Variants in TASP1 observed in about 807,000 individuals in gnomAD.
TASP1 encodes the protein threonine aspartase 1.
Under a neutral mutation model 56.6 loss-of-function variants are expected in TASP1, and 16 were observed. The ratio of observed to expected loss-of-function variants is 0.28; its 90% CI spans 0.19 to 0.43. The LOEUF (loss-of-function observed/expected upper bound fraction) is 0.43. Ranked by LOEUF, TASP1 falls within the 20% of genes least tolerant of loss-of-function variation. The probability of loss-of-function intolerance (pLI) is 1.00; values close to 1 mark genes in which losing one functional copy is unlikely to be tolerated. For synonymous variants in TASP1, 179 were observed against 184.2 expected, an observed-to-expected ratio of 0.97 and a Z score of 0.23; for missense variants, 393 against 511.6, an observed-to-expected ratio of 0.77 and a Z score of 2.24.
chr20:13,177,781 A>G, the TASP1 span, among the ~76,000 whole-genome samples: 1 of 152,208 alleles, frequency 6.6e-6, no homozygotes. Context: ...TGAAAGACCT[A>G]AATGTAAACC....
the TASP1 span, among the ~76,000 whole-genome samples, chr20:13,317,112 C>G: frequency 6.6e-6 from 1 of 151,796 alleles, no homozygotes; most frequent in Admixed American, 6.6e-5. Context: ...AAAGTTAATA[C>G]ACAAATGTTC....
chr20:13,592,333 G>A (rs190491736), intron 4 of TASP1, among the ~76,000 whole-genome samples: 4 of 150,774 alleles, frequency 2.7e-5, no homozygotes, highest in African/African-American at 9.8e-5. Flanking sequence ...GAAGGCAGAG[G>A]TTACAGTGAG....
intron 13 of TASP1, among the ~76,000 whole-genome samples, chr20:13,406,669 T>C (rs754977632): frequency 0.24 from 9,906 of 41,200 alleles, 441 homozygotes; most frequent in African/African-American, 0.31. Flanking sequence ...GGGTTTTTTC[T>C]TTTTTTTTTT....
chr20:13,604,568 T>C (rs1354301903), intron 4 of TASP1, among the ~76,000 whole-genome samples: 2 of 152,172 alleles, frequency 1.3e-5, no homozygotes, highest in East Asian at 1.9e-4. Context: ...TATTCCTTTA[T>C]AGCAATGCGA....
intron 13 of TASP1, among the ~76,000 whole-genome samples, chr20:13,392,514 G>A (rs1015112134): frequency 2.6e-5 from 4 of 152,174 alleles, no homozygotes; most frequent in African/African-American, 7.2e-5. Flanking sequence ...CTGACCATGT[G>A]TTTCACACAG....
the TASP1 span, among the ~76,000 whole-genome samples, chr20:13,143,351 A>G: frequency 6.6e-6 from 1 of 151,904 alleles, no homozygotes; most frequent in Non-Finnish European, 1.5e-5. Context: ...GTATGAAAGT[A>G]TATATATATA....
the TASP1 span, among the ~76,000 whole-genome samples, chr20:13,303,024 C>A: frequency 6.6e-6 from 1 of 152,334 alleles, no homozygotes; most frequent in South Asian, 2.1e-4. Flanking sequence ...CTTCTGAGCC[C>A]ACACTTTGTG....
the TASP1 span, chr20:13,221,741 G>A: frequency 2.2e-6 from 3 of 1,356,360 alleles, no homozygotes; most frequent in South Asian, 1.8e-5. Context: ...GCCGCCGGCC[G>A]CCGCGCCGGG....
the TASP1 span, among the ~76,000 whole-genome samples, chr20:13,282,839 G>A: frequency 1.3e-5 from 2 of 152,334 alleles, no homozygotes; most frequent in South Asian, 2.1e-4. Context: ...AAGCCTGGGC[G>A]AAGCTGAGAC....
intron 4 of TASP1, among the ~76,000 whole-genome samples, chr20:13,616,626 T>C (rs1296828084): frequency 6.6e-6 from 1 of 151,090 alleles, no homozygotes; most frequent in Non-Finnish European, 1.5e-5. Context: ...ATTGATTCCG[T>C]TTTCTTTTTA....
chr20:13,437,625 A>C (rs2043053995), intron 11 of TASP1, among the ~76,000 whole-genome samples: 1 of 152,212 alleles, frequency 6.6e-6, no homozygotes, highest in Non-Finnish European at 1.5e-5. Flanking sequence ...GTCTCAGCCC[A>C]AAATCTCCTT....
chr20:13,321,275 A>T, the TASP1 span, among the ~76,000 whole-genome samples: 4 of 150,520 alleles, frequency 2.7e-5, no homozygotes, highest in African/African-American at 9.8e-5. Context: ...AAAAAAAAAA[A>T]AGATTTTATG....
chr20:13,313,250 C>A, the TASP1 span, among the ~76,000 whole-genome samples: 2 of 152,196 alleles, frequency 1.3e-5, no homozygotes, highest in Non-Finnish European at 2.9e-5. Flanking sequence ...AATTTCCCCC[C>A]ACACGCACCT....
intron 11 of TASP1, among the ~76,000 whole-genome samples, chr20:13,448,323 A>G (rs1463994962): frequency 6.6e-6 from 1 of 152,116 alleles, no homozygotes; most frequent in Non-Finnish European, 1.5e-5. Flanking sequence ...ATCCTGTTCC[A>G]TTGATGAAAT....
intron 8 of TASP1, among the ~76,000 whole-genome samples, chr20:13,553,402 A>G (rs1278828959): frequency 6.6e-6 from 1 of 152,200 alleles, no homozygotes; most frequent in Non-Finnish European, 1.5e-5. Context: ...TAAAAATAAG[A>G]AAGAGATAAA....
chr20:13,145,692 A>C, the TASP1 span, among the ~76,000 whole-genome samples: 2 of 152,228 alleles, frequency 1.3e-5, no homozygotes, highest in Non-Finnish European at 2.9e-5. Flanking sequence ...GGCAATCCTA[A>C]GTAAAAAGAA....
intron 4 of TASP1, among the ~76,000 whole-genome samples, chr20:13,589,113 A>C (rs2147269493): frequency 7.0e-6 from 1 of 142,772 alleles, no homozygotes; most frequent in East Asian, 2.1e-4. Flanking sequence ...GCTGGAGTGC[A>C]GTGGTGTGAT....
At chr20:13,327,537 C>T in the TASP1 span, among the ~76,000 whole-genome samples, 10 of 152,156 alleles carry the variant, frequency 6.6e-5, no homozygotes, top group Admixed American at 1.3e-4. Flanking sequence ...GGAGGCATCA[C>T]ACTATTTGAC....
chr20:13,566,898 C>A (rs1040774334), intron 7 of TASP1, among the ~76,000 whole-genome samples: 1 of 152,140 alleles, frequency 6.6e-6, no homozygotes, highest in African/African-American at 2.4e-5. Flanking sequence ...AACAGAACTA[C>A]CATTTGACCT....
Sources: allele counts gnomAD v4.1 joint callset (sites outside exome capture counted in the v4.1 genomes callset), GRCh38; gene constraint gnomAD v4.1.1; transcripts MANE v1.5; gene names NCBI Gene and HGNC (gene_info 2026-07-23, HGNC 2026-07-21).